Variants in KCNH8 observed in about 807,000 individuals in gnomAD.
KCNH8 encodes potassium voltage-gated channel subfamily H member 8.
Under a neutral mutation model 103.6 loss-of-function variants are expected in KCNH8, and 70 were observed. The ratio of observed to expected loss-of-function variants is 0.68; its 90% confidence interval spans 0.56 to 0.82. The LOEUF is 0.82. Ranked by LOEUF, KCNH8 falls within the 40% of genes least tolerant of loss-of-function variation. The pLI is 0.00. For synonymous variants in KCNH8, 498 were observed against 489.4 expected (o/e 1.02, Z -0.23); for missense variants, 1,217 against 1,329.9 (o/e 0.92, Z 1.32).
In KCNH8 at chr3:19,253,796, T is replaced by C; in HGVS notation, c.219T>C (p.Val73=). 1 of 1,613,890 alleles carries C rather than the reference T, an allele frequency of 6.2e-7. No homozygotes were observed. The highest frequency in any genetic ancestry group is 1.1e-5 in the South Asian group (1 of 91,086). The part of the protein sequence containing the change: ...KSCSCKFLFG[V]ETNEQLMLQI... ...GTAGCTGCAAGTTCTTATTTGGGGT[T>C]GAAACCAATGAGCAACTGATGCTTC... The change falls in exon 2 of 16, where the codon GTT becomes GTC. Residue 73 remains valine, a synonymous_variant. Transcript: ENST00000328405.
chr3:19,422,870 A>G (rs2066971742), intron 7 of KCNH8, among the ~76,000 whole-genome samples: 1 of 152,122 alleles, frequency 6.6e-6, no homozygotes, highest in Non-Finnish European at 1.5e-5. Context: ...GATAGGGCCA[A>G]GAGATTGATC....
chr3:19,464,639 A>G (rs2125195383), intron 11 of KCNH8, among the ~76,000 whole-genome samples: 1 of 152,294 alleles, frequency 6.6e-6, no homozygotes, highest in African/African-American at 2.4e-5. Context: ...TGAAAAAGAA[A>G]GAATATCCCG....
At chr3:19,258,982 T>A (rs2064390914) in intron 2 of KCNH8, among the ~76,000 whole-genome samples, 1 of 131,060 alleles carries the variant, frequency 7.6e-6, no homozygotes, top group Non-Finnish European at 1.6e-5. Context: ...TATATATATA[T>A]CTGGAAATAA....
intron 2 of KCNH8, among the ~76,000 whole-genome samples, chr3:19,276,245 TA>T (rs2064669791): frequency 6.6e-6 from 1 of 151,696 alleles, no homozygotes; most frequent in Non-Finnish European, 1.5e-5. Context: ...GACTAATTTC[TA>T]AAAACTGGCA....
At chr3:19,234,009 G>A (rs1321026916) in intron 1 of KCNH8, among the ~76,000 whole-genome samples, 1 of 152,136 alleles carries the variant, frequency 6.6e-6, no homozygotes, top group African/African-American at 2.4e-5. Flanking sequence ...AAAGAACAAA[G>A]CTTCCACAGT....
At chr3:19,378,966 A>T (rs2066250617) in intron 5 of KCNH8, among the ~76,000 whole-genome samples, 1 of 152,230 alleles carries the variant, frequency 6.6e-6, no homozygotes, top group Non-Finnish European at 1.5e-5. Flanking sequence ...GTTCCCAAGT[A>T]GTGAGGTCTA....
intron 1 of KCNH8, among the ~76,000 whole-genome samples, chr3:19,187,060 ATAT>A (rs2063509241): frequency 6.6e-6 from 1 of 152,060 alleles, no homozygotes; most frequent in African/African-American, 2.4e-5. Context: ...TTCAAATTTC[ATAT>A]TATTTTCATG....
rs772903413 is a variant in KCNH8 at position 19,302,389 on chromosome 3, CT to C, written c.442+21063del. The stretch of plus-strand genomic sequence containing the variant: ...TAAAATATCACACATCCATTTTTTT[CT>C]TTGTAAATTTTAGTAAATTTTAAGG... On this transcript the variant is annotated intron_variant, in intron 3 of 15. Transcript: ENST00000328405. Among the ~76,000 whole-genome samples the C allele has an allele frequency of 2.6e-5, 4 of 152,120 alleles. No individual in the cohort carries two copies. The South Asian group carries it at 6.2e-4, about 24-fold the overall frequency.
intron 5 of KCNH8, among the ~76,000 whole-genome samples, chr3:19,377,428 G>GT (rs2066225234): frequency 6.6e-6 from 1 of 152,124 alleles, no homozygotes; most frequent in Non-Finnish European, 1.5e-5. Context: ...TCCAAGGGTG[G>GT]TTATAGCCAT....
intron 7 of KCNH8, among the ~76,000 whole-genome samples, chr3:19,421,603 C>G (rs1346175676): frequency 6.6e-6 from 1 of 151,854 alleles, no homozygotes; most frequent in East Asian, 1.9e-4. Flanking sequence ...ATTTAATTCA[C>G]TAATCAGTTT....
chr3:19,258,947 C>CTCTCTCTCTATA (rs1321918245), intron 2 of KCNH8, among the ~76,000 whole-genome samples: 4 of 24,800 alleles, frequency 1.6e-4, no homozygotes, highest in East Asian at 1.0e-3. Flanking sequence ...CTCTCTCTCT[C>CTCTCTCTCTATA]TATATATATA....
At chr3:19,503,702 C>G (rs1439639674) in intron 11 of KCNH8, among the ~76,000 whole-genome samples, 1 of 149,556 alleles carries the variant, frequency 6.7e-6, no homozygotes, top group African/African-American at 2.5e-5. Flanking sequence ...ACCGCATATT[C>G]TCACTCATAG....
intron 7 of KCNH8, among the ~76,000 whole-genome samples, chr3:19,424,513 A>G (rs1259393976): frequency 1.3e-5 from 2 of 152,194 alleles, no homozygotes; most frequent in Non-Finnish European, 2.9e-5. Context: ...AAATTCTATA[A>G]TATAACATCA....
intron 11 of KCNH8, among the ~76,000 whole-genome samples, chr3:19,488,225 C>T (rs1348961024): frequency 6.6e-6 from 1 of 152,188 alleles, no homozygotes; most frequent in Non-Finnish European, 1.5e-5. Context: ...GCATTGGTTA[C>T]ATTGAAAGTG....
At chr3:19,215,117 T>G in intron 1 of KCNH8, among the ~76,000 whole-genome samples, 1 of 152,326 alleles carries the variant, frequency 6.6e-6, no homozygotes, top group Admixed American at 6.5e-5. Flanking sequence ...CCTTCCCAGT[T>G]CCTTGAAGTG....
chr3:19,510,834 A>C (rs1045905214), intron 12 of KCNH8, among the ~76,000 whole-genome samples: 1 of 152,166 alleles, frequency 6.6e-6, no homozygotes, highest in African/African-American at 2.4e-5. Context: ...ATTTCAAGAA[A>C]AGTTTCCCGA....
At position 19,268,109 on chromosome 3, in the gene KCNH8, G is replaced by T. The variant is rs577206280; in HGVS notation, c.311-13089G>T. The stretch of plus-strand genomic sequence containing the variant: ...TTGGGTCAGTCCTTCTGTTTTGCAC[G>T]TAAGAATACAAGAAAAGGGAAAACA... On this transcript the variant is annotated intron_variant, in intron 2 of 15. Transcript: ENST00000328405. Among the ~76,000 whole-genome samples, 57 of 152,034 alleles carry T rather than the reference G, an allele frequency of 3.7e-4. 1 individual carries two copies. The highest frequency in any genetic ancestry group is 5.2e-4 in the Admixed American group (8 of 15,244).
intron 1 of KCNH8, among the ~76,000 whole-genome samples, chr3:19,251,638 A>T (rs1379583596): frequency 6.6e-6 from 1 of 152,154 alleles, no homozygotes; most frequent in Non-Finnish European, 1.5e-5. Flanking sequence ...AAGTAGCTGG[A>T]GTACCTTCTT....
intron 1 of KCNH8, among the ~76,000 whole-genome samples, chr3:19,150,140 T>A (rs1004587932): frequency 2.0e-5 from 3 of 152,196 alleles, no homozygotes; most frequent in African/African-American, 7.2e-5. Flanking sequence ...ATGTGTTAGA[T>A]GTTATGTATG....
Sources: gnomAD v4.1 joint callset for allele counts (sites outside exome capture counted in the v4.1 genomes callset) on GRCh38, gnomAD v4.1.1 for gene constraint, MANE v1.5 for transcripts, NCBI Gene and HGNC (gene_info 2026-07-23, HGNC 2026-07-21) for gene names.